The following WWTR1 variants were observed in gnomAD, a reference collection of about 807,000 sequenced individuals.
The protein encoded by WWTR1 is WW domain-containing transcription regulator protein 1.
In WWTR1, 13 loss-of-function variants were observed where a neutral mutation model predicts 40.1. The observed-to-expected ratio is 0.32, with a 90% CI of 0.21 to 0.52. The LOEUF is 0.52. Among genes scored for constraint, WWTR1 ranks in the 20% least tolerant of loss-of-function variants. The probability of loss-of-function intolerance (pLI) is 0.97; values close to 1 mark genes in which losing one functional copy is unlikely to be tolerated. For missense variants in WWTR1, 436 were observed against 523.1 expected (o/e 0.83, Z 1.63); for synonymous variants, 230 against 210.1 (o/e 1.09, Z -0.82).
intron 1 of WWTR1, among the ~76,000 whole-genome samples, chr3:149,670,572 A>G (rs1714032637): frequency 6.7e-6 from 1 of 149,110 alleles, no homozygotes; most frequent in Non-Finnish European, 1.5e-5. Context: ...TGAACCCGGG[A>G]GGCGGAGCTT....
chr3:149,650,496 AG>A (rs1712802136), intron 2 of WWTR1, among the ~76,000 whole-genome samples: 2 of 152,310 alleles, frequency 1.3e-5, no homozygotes, highest in African/African-American at 4.8e-5. Context: ...TATACGTAAA[AG>A]CATCTAGGGT....
chr3:149,716,254 A>G (rs1446955482), intron 5 of WWTR1, among the ~76,000 whole-genome samples: 5 of 152,018 alleles, frequency 3.3e-5, no homozygotes, highest in Admixed American at 1.3e-4. Flanking sequence ...ATGGTGGCAC[A>G]CAGCTGTAAT....
At chr3:149,639,603 C>A (rs935967011) in intron 2 of WWTR1, among the ~76,000 whole-genome samples, 2 of 152,100 alleles carry the variant, frequency 1.3e-5, no homozygotes, top group Non-Finnish European at 2.9e-5. Flanking sequence ...CTCTCAAGGT[C>A]TCTTATAAAC....
At chr3:149,613,527 T>G (rs1215681834) in intron 2 of WWTR1, among the ~76,000 whole-genome samples, 2 of 152,170 alleles carry the variant, frequency 1.3e-5, no homozygotes, top group Non-Finnish European at 2.9e-5. Flanking sequence ...TTTGATTTAC[T>G]AACTTATATT....
At chr3:149,620,539 T>C (rs1576601924) in intron 2 of WWTR1, among the ~76,000 whole-genome samples, 1 of 108,368 alleles carries the variant, frequency 9.2e-6, no homozygotes, top group Middle Eastern at 4.2e-3. Context: ...ATCTCATATG[T>C]TCTTCTGCAC....
intron 1 of WWTR1, among the ~76,000 whole-genome samples, chr3:149,677,473 A>C (rs1206704064): frequency 6.6e-6 from 1 of 152,112 alleles, no homozygotes; most frequent in Non-Finnish European, 1.5e-5. Flanking sequence ...TACACTGACA[A>C]GCTCCAAATG....
At chr3:149,536,019 A>G (rs1004833537) in intron 4 of WWTR1, among the ~76,000 whole-genome samples, 1 of 152,154 alleles carries the variant, frequency 6.6e-6, no homozygotes, top group Non-Finnish European at 1.5e-5. Flanking sequence ...TCTCAAAAAG[A>G]GAAGAAAAAG....
rs747001275 is a variant in WWTR1 at position 149,561,477 on chromosome 3, T to A, written c.568+11387A>T. ...ATTGGTATACCTTTTTGGAAAGAAATGGAACAACAGTTTTAAAAACTTTAA... is the reference window on the plus strand; with the variant it reads ...ATTGGTATACCTTTTTGGAAAGAAAAGGAACAACAGTTTTAAAAACTTTAA... On this transcript the variant is annotated intron_variant, in intron 3 of 6. Coordinates refer to ENST00000360632, the MANE Select transcript of WWTR1 (RefSeq NM_015472.6). Among the ~76,000 whole-genome samples the A allele has an allele frequency of 4.6e-5, 7 of 152,150 alleles. No homozygotes were observed. The South Asian group carries it at 6.2e-4, about 14-fold the overall frequency.
intron 2 of WWTR1, among the ~76,000 whole-genome samples, chr3:149,595,586 C>T (rs891511317): frequency 1.1e-4 from 17 of 152,094 alleles, no homozygotes; most frequent in African/African-American, 3.9e-4. Context: ...TGGGTCATTA[C>T]CCTATTACTC....
chr3:149,720,968 T>C (rs1472569114), intron 4 of WWTR1, among the ~76,000 whole-genome samples: 1 of 152,234 alleles, frequency 6.6e-6, no homozygotes, highest in Non-Finnish European at 1.5e-5. Context: ...GTTGACTTTG[T>C]ATCCTGCTAT....
intron 4 of WWTR1, among the ~76,000 whole-genome samples, chr3:149,529,714 G>A (rs963811928): frequency 6.6e-6 from 1 of 152,106 alleles, no homozygotes; most frequent in Admixed American, 6.5e-5. Context: ...AAGTTTTCCT[G>A]AAAGCCTCAG....
intron 2 of WWTR1, among the ~76,000 whole-genome samples, chr3:149,574,580 G>A (rs753391511): frequency 9.2e-5 from 14 of 152,016 alleles, no homozygotes; most frequent in East Asian, 7.7e-4. Context: ...TTTTACTTTC[G>A]TTATGTTTAA....
upstream of WWTR1, chr3:149,660,318 A>C (rs1713514763): frequency 6.6e-6 from 1 of 152,244 alleles, no homozygotes; most frequent in Admixed American, 6.5e-5. Flanking sequence ...TCCCGAAGAA[A>C]GGTGAGAATC....
At chr3:149,627,218 T>A (rs1489752061) in intron 2 of WWTR1, among the ~76,000 whole-genome samples, 1 of 152,220 alleles carries the variant, frequency 6.6e-6, no homozygotes, top group Non-Finnish European at 1.5e-5. Flanking sequence ...CTGTATTTTA[T>A]CCAACAACCC....
chr3:149,686,003 C>CT, intron 1 of WWTR1, among the ~76,000 whole-genome samples: 1 of 152,246 alleles, frequency 6.6e-6, no homozygotes, highest in South Asian at 2.1e-4. Flanking sequence ...CTCATGTTCC[C>CT]TACATGATAA....
intron 5 of WWTR1, among the ~76,000 whole-genome samples, chr3:149,714,585 G>A (rs892237637): frequency 4.6e-5 from 7 of 152,246 alleles, no homozygotes; most frequent in African/African-American, 1.7e-4. Flanking sequence ...AGGGAGACCA[G>A]GGGGTGCTGA....
chr3:149,708,351 C>T (rs1715386336), intron 5 of WWTR1, among the ~76,000 whole-genome samples: 2 of 151,980 alleles, frequency 1.3e-5, no homozygotes, highest in African/African-American at 4.8e-5. Context: ...TTATCTTAAC[C>T]ATTTTGAAGT....
At chr3:149,711,188 G>A (rs984945009) in intron 5 of WWTR1, among the ~76,000 whole-genome samples, 2 of 149,812 alleles carry the variant, frequency 1.3e-5, no homozygotes, top group African/African-American at 4.9e-5. Context: ...AAGGGAGGCT[G>A]GATGTGGTTG....
At chr3:149,651,526 A>T (rs1483114755) in intron 2 of WWTR1, among the ~76,000 whole-genome samples, 1 of 152,232 alleles carries the variant, frequency 6.6e-6, no homozygotes, top group East Asian at 1.9e-4. Flanking sequence ...AACTTTTGAG[A>T]TCATAATAAT....
Sources: gnomAD v4.1 joint callset for allele counts (sites outside exome capture counted in the v4.1 genomes callset) on GRCh38, gnomAD v4.1.1 for gene constraint, MANE v1.5 for transcripts, NCBI Gene and HGNC (gene_info 2026-07-23, HGNC 2026-07-21) for gene names.